The following POLN variants were observed in gnomAD, a reference collection of about 807,000 sequenced individuals.
POLN encodes DNA polymerase N.
Under a neutral mutation model 113.5 loss-of-function variants are expected in POLN, and 108 were observed. The ratio of observed to expected loss-of-function variants is 0.95; its 90% CI spans 0.81 to 1.12. POLN has a LOEUF of 1.12. Ranked by LOEUF, POLN falls within the 50% of genes most tolerant of loss-of-function variation. The probability of loss-of-function intolerance (pLI) is 0.00; values close to 1 mark genes in which losing one functional copy is unlikely to be tolerated. For missense variants in POLN, 1,097 were observed against 1,077.1 expected, an observed-to-expected ratio of 1.02 and a Z score of -0.26; for synonymous variants, 386 against 391.5, an observed-to-expected ratio of 0.99 and a Z score of 0.17.
At chr4:2,241,390 A>T in intron 2 of POLN, 130 bp downstream of exon 2, 2 of 563,372 alleles carry the variant, frequency 3.6e-6, no homozygotes, top group Non-Finnish European at 4.5e-6. Context: ...ATTTGTTTTT[A>T]ATTCAAAATA....
chr4:2,214,030 G>A (rs1734055345), intron 3 of POLN, among the ~76,000 whole-genome samples: 1 of 152,154 alleles, frequency 6.6e-6, no homozygotes, highest in Admixed American at 6.5e-5. Flanking sequence ...CAGGTCAGGA[G>A]CTCGAGACCA....
chr4:2,194,647 C>G (rs1033075615), intron 6 of POLN, among the ~76,000 whole-genome samples: 1 of 152,132 alleles, frequency 6.6e-6, no homozygotes, highest in Non-Finnish European at 1.5e-5. Context: ...AGGTAATCTA[C>G]CAACTACACT....
rs577246959 is a variant in POLN, at chr4:2,146,138, G to C, written c.1731+10650C>G. ...GCACGCATTAAAATGGGATGATAAA[G>C]ACTAAATGTAGAATAGAAAAGGGAG... On this transcript the variant is annotated intron_variant, in intron 16 of 25. Transcript: ENST00000511885. 1.4e-4 allele frequency among the ~76,000 whole-genome samples: 22 copies of C among 152,150 alleles called. No homozygotes were observed. In the South Asian group the frequency reaches 4.3e-3, roughly 30 times the overall value.
intron 13 of POLN, among the ~76,000 whole-genome samples, chr4:2,166,518 C>A (rs375138749): frequency 6.6e-6 from 1 of 152,102 alleles, no homozygotes; most frequent in East Asian, 1.9e-4. Flanking sequence ...GCATTATTTC[C>A]GGGTGTGTCT....
chr4:2,134,129 G>T (rs1577713666), intron 16 of POLN, among the ~76,000 whole-genome samples: 2 of 152,140 alleles, frequency 1.3e-5, no homozygotes, highest in African/African-American at 4.8e-5. Context: ...TTTCCAGATT[G>T]ATTTATTTCA....
chr4:2,160,254 T>C (rs929976511), intron 13 of POLN, among the ~76,000 whole-genome samples: 8 of 152,234 alleles, frequency 5.3e-5, no homozygotes, highest in Non-Finnish European at 8.8e-5. Flanking sequence ...ATATCTTCTT[T>C]CATTAAGCCC....
At chr4:2,114,472 G>A (rs1170231920) in intron 19 of POLN, among the ~76,000 whole-genome samples, 1 of 152,020 alleles carries the variant, frequency 6.6e-6, no homozygotes, top group Non-Finnish European at 1.5e-5. Flanking sequence ...TGTATCTTTT[G>A]CATTAATTTT....
chr4:2,211,667 C>T (rs1292154969), intron 4 of POLN, among the ~76,000 whole-genome samples: 1 of 151,900 alleles, frequency 6.6e-6, no homozygotes, highest in African/African-American at 2.4e-5. Flanking sequence ...GTCTCAGCTA[C>T]TTGGGAGGCT....
chr4:2,146,575 C>T (rs1732145361), intron 16 of POLN, among the ~76,000 whole-genome samples: 1 of 151,886 alleles, frequency 6.6e-6, no homozygotes, highest in South Asian at 2.1e-4. Context: ...CACATGATCA[C>T]TGTATTGGGC....
chr4:2,216,412 G>C (rs909928317), intron 3 of POLN, among the ~76,000 whole-genome samples: 1 of 152,198 alleles, frequency 6.6e-6, no homozygotes, highest in African/African-American at 2.4e-5. Context: ...ACCACGTACT[G>C]GTTAGTGATT....
intron 4 of POLN, among the ~76,000 whole-genome samples, chr4:2,210,582 A>AAAT (rs376506693): frequency 0.026 from 3,145 of 121,076 alleles, 35 homozygotes; most frequent in Middle Eastern, 0.06. Context: ...GAAAGTCTCA[A>AAAT]AATAATAATA....
chr4:2,182,532 C>A (rs186038902), intron 7 of POLN, among the ~76,000 whole-genome samples: 15 of 152,122 alleles, frequency 9.9e-5, no homozygotes, highest in Admixed American at 3.3e-4. Flanking sequence ...ACTGCCAACA[C>A]CTTAATTTGG....
intron 16 of POLN, among the ~76,000 whole-genome samples, chr4:2,141,803 G>T (rs1732007817): frequency 6.6e-6 from 1 of 152,184 alleles, no homozygotes; most frequent in Non-Finnish European, 1.5e-5. Flanking sequence ...CCCCTCTCAG[G>T]CTCCTTGGAG....
chr4:2,181,186 C>T (rs1441002890), intron 7 of POLN, among the ~76,000 whole-genome samples: 2 of 152,110 alleles, frequency 1.3e-5, no homozygotes, highest in African/African-American at 2.4e-5. Context: ...GCTCTGTTGC[C>T]CAAGCTGGAG....
chr4:2,163,364 T>C (rs1301714293), intron 13 of POLN, among the ~76,000 whole-genome samples: 1 of 152,224 alleles, frequency 6.6e-6, no homozygotes, highest in East Asian at 1.9e-4. Context: ...AAAATAACTT[T>C]CTAACCAATA....
intron 16 of POLN, among the ~76,000 whole-genome samples, chr4:2,140,477 T>C (rs773580795): frequency 2.6e-5 from 4 of 152,180 alleles, no homozygotes; most frequent in Non-Finnish European, 5.9e-5. Flanking sequence ...CTGGACGCAG[T>C]GGCTCATGCC....
intron 22 of POLN, chr4:2,081,346 A>G: frequency 1.5e-6 from 1 of 685,950 alleles, no homozygotes; most frequent in Non-Finnish European, 2.4e-6. Context: ...GGTCTCCTAA[A>G]CCATAGAAGC....
chr4:2,192,691 G>T lies in POLN; in HGVS notation c.1021+513C>A, dbSNP rs867067836. 8.6e-5 allele frequency among the ~76,000 whole-genome samples: 13 copies of T among 151,990 alleles called. No individual in the cohort carries two copies. The East Asian group carries it at 1.6e-3, about 18-fold the overall frequency. On this transcript the variant is annotated intron_variant, in intron 7 of 25. Transcript: ENST00000511885. ...AAAAAAACTTTACTATTTTAGGCCC[G>T]GTGCAGTGGCTCACGCCTATAATCC... is the stretch of plus-strand genomic sequence containing the variant.
chr4:2,208,860 C>A (rs778296196), intron 4 of POLN, among the ~76,000 whole-genome samples: 1 of 152,002 alleles, frequency 6.6e-6, no homozygotes, highest in African/African-American at 2.4e-5. Context: ...TGGTGGCAGG[C>A]GCTTGTAATT....
Sources: gnomAD v4.1 joint callset for allele counts (sites outside exome capture counted in the v4.1 genomes callset) on GRCh38, gnomAD v4.1.1 for gene constraint, MANE v1.5 for transcripts, NCBI Gene and HGNC (gene_info 2026-07-23, HGNC 2026-07-21) for gene names.